DIAPH3: variants seen among roughly 807,000 people sequenced by gnomAD.
DIAPH3 encodes the protein protein diaphanous homolog 3.
A neutral mutation model predicts 144.3 loss-of-function variants in DIAPH3; 117 were observed. That is an observed-to-expected ratio of 0.81 (90% CI 0.70 to 0.95). DIAPH3 has a LOEUF of 0.95. DIAPH3 is among the 40% of genes least tolerant of loss of function. The pLI, the probability that DIAPH3 is intolerant of heterozygous loss-of-function variation, is 0.00. For missense variants in DIAPH3, 1,421 were observed against 1,412.7 expected, an observed-to-expected ratio of 1.01 and a Z score of -0.09; for synonymous variants, 519 against 488.9, an observed-to-expected ratio of 1.06 and a Z score of -0.81.
chr13:59,674,743 A>T (rs2032549483), intron 27 of DIAPH3, among the ~76,000 whole-genome samples: 1 of 152,116 alleles, frequency 6.6e-6, no homozygotes, highest in African/African-American at 2.4e-5. Context: ...ACATTCTCAA[A>T]CCACACTTTC....
chr13:59,899,501 A>C (rs2046316478), intron 20 of DIAPH3, among the ~76,000 whole-genome samples: 1 of 152,202 alleles, frequency 6.6e-6, no homozygotes. Context: ...TGTGACTGGC[A>C]TGTTTAGGAA....
At chr13:59,697,250 G>A (rs1489287928) in intron 27 of DIAPH3, among the ~76,000 whole-genome samples, 3 of 151,626 alleles carry the variant, frequency 2.0e-5, no homozygotes, top group Non-Finnish European at 2.9e-5. Flanking sequence ...ACGAGATCAG[G>A]AGATCGAGAC....
At chr13:59,987,408 T>C (rs1345723886) in intron 12 of DIAPH3, among the ~76,000 whole-genome samples, 1 of 141,828 alleles carries the variant, frequency 7.1e-6, no homozygotes, top group Non-Finnish European at 1.5e-5. Context: ...CGCACCAGCA[T>C]GGCACATGTA....
At chr13:59,703,675 T>C (rs1481213581) in intron 27 of DIAPH3, among the ~76,000 whole-genome samples, 1 of 152,218 alleles carries the variant, frequency 6.6e-6, no homozygotes, top group East Asian at 1.9e-4. Context: ...TTCTGAAATA[T>C]ATTCATTTCA....
rs533876862 is a variant in DIAPH3 at position 60,016,539 on chromosome 13, C to T, written c.627-394G>A. 2.0e-5 allele frequency among the ~76,000 whole-genome samples: 3 copies of T among 152,284 alleles called. No homozygotes were observed. In the South Asian group the frequency reaches 6.2e-4, roughly 32 times the overall value. On this transcript the variant is annotated intron_variant, in intron 5 of 27. Coordinates refer to ENST00000400324, the MANE Select transcript of DIAPH3 (RefSeq NM_001042517.2). Reference sequence around the variant, plus strand: ...ACATTTACCAGCATACCACTAATTACAGCCCATTTGGGGCTATGCCAAAGA... The same window carrying T: ...ACATTTACCAGCATACCACTAATTATAGCCCATTTGGGGCTATGCCAAAGA...
intron 25 of DIAPH3, among the ~76,000 whole-genome samples, chr13:59,783,703 G>T (rs565771894): frequency 1.3e-5 from 2 of 152,052 alleles, no homozygotes; most frequent in Non-Finnish European, 2.9e-5. Flanking sequence ...CCCCCTAAAC[G>T]TTGAAAGGGC....
At chr13:59,979,347 C>A (rs1048141542) in intron 14 of DIAPH3, among the ~76,000 whole-genome samples, 3 of 151,574 alleles carry the variant, frequency 2.0e-5, no homozygotes, top group African/African-American at 7.3e-5. Context: ...AAGTCTACTA[C>A]TACTTTCCTA....
At chr13:60,080,551 G>A (rs1036446935) in intron 4 of DIAPH3, among the ~76,000 whole-genome samples, 1 of 151,854 alleles carries the variant, frequency 6.6e-6, no homozygotes, top group African/African-American at 2.4e-5. Flanking sequence ...GGTAGGTAAA[G>A]TTTGATTAGT....
At chr13:59,816,735 A>C (rs980607724) in intron 24 of DIAPH3, among the ~76,000 whole-genome samples, 8 of 151,828 alleles carry the variant, frequency 5.3e-5, no homozygotes, top group Non-Finnish European at 8.8e-5. Context: ...TAATACATGT[A>C]CATATTTTGG....
chr13:60,083,250 C>T (rs2057624815), intron 4 of DIAPH3, among the ~76,000 whole-genome samples: 1 of 151,864 alleles, frequency 6.6e-6, no homozygotes, highest in Admixed American at 6.6e-5. Context: ...TGATCATCTT[C>T]AGAGAATGAT....
intron 9 of DIAPH3, among the ~76,000 whole-genome samples, chr13:60,007,117 T>A (rs2052926877): frequency 6.6e-6 from 1 of 152,080 alleles, no homozygotes; most frequent in South Asian, 2.1e-4. Context: ...AGTGGCACGA[T>A]CTTGGCTCAC....
chr13:59,666,237 T>A lies in DIAPH3; in HGVS notation c.*347A>T, dbSNP rs1273541204. ...AAAAATAGTAAAGTAAAAATTCCAG[T>A]GGCTTAGAAAGATGGTATTTTCTTA... On this transcript the variant is annotated 3_prime_UTR_variant, in exon 28 of 28. Coordinates refer to ENST00000400324, the MANE Select transcript of DIAPH3 (RefSeq NM_001042517.2). The A allele has an allele frequency of 1.0e-5, 2 of 194,150 alleles. No individual in the cohort carries two copies. Among genetic ancestry groups the A allele is most frequent in the South Asian group, 2.6e-4 (2 of 7,718 alleles). 12.0% of individuals were successfully genotyped at this position (194,150 alleles called of 1,614,324 possible).
chr13:59,782,501 C>T (rs989094835), intron 25 of DIAPH3, among the ~76,000 whole-genome samples: 1 of 151,974 alleles, frequency 6.6e-6, no homozygotes, highest in Non-Finnish European at 1.5e-5. Context: ...TTTTATCATG[C>T]TATGAGCCTA....
rs182283512 is a variant in DIAPH3 at position 59,909,177 on chromosome 13, A to G, written c.2367+2558T>C. Among the ~76,000 whole-genome samples the G allele has an allele frequency of 3.0e-3, 453 of 152,316 alleles. 1 individual carries two copies. The highest frequency in any genetic ancestry group is 4.6e-3 in the Admixed American group (70 of 15,304). ...AAGTCTTACAGAAATACACTTGGCA[A>G]TTATAACCAATTTCTTAAAATCATC... On this transcript the variant is annotated intron_variant, in intron 20 of 27. Transcript: ENST00000400324.
At chr13:59,788,400 G>A (rs1486822780) in intron 25 of DIAPH3, among the ~76,000 whole-genome samples, 2 of 152,062 alleles carry the variant, frequency 1.3e-5, no homozygotes, top group Non-Finnish European at 2.9e-5. Flanking sequence ...TGGGTGAATC[G>A]CTTGAGGCCA....
intron 27 of DIAPH3, among the ~76,000 whole-genome samples, chr13:59,724,180 C>T (rs1254123247): frequency 6.6e-6 from 1 of 151,688 alleles, no homozygotes; most frequent in East Asian, 1.9e-4. Context: ...ATATGTATAC[C>T]CTACACAACA....
At chr13:59,950,594 T>TG (rs1383491790) in intron 17 of DIAPH3, among the ~76,000 whole-genome samples, 1 of 152,112 alleles carries the variant, frequency 6.6e-6, no homozygotes, top group Non-Finnish European at 1.5e-5. Context: ...TATGCCAATC[T>TG]GAGAAGTCAT....
intron 5 of DIAPH3, among the ~76,000 whole-genome samples, chr13:60,025,086 G>A (rs1157545106): frequency 6.6e-6 from 1 of 152,102 alleles, no homozygotes; most frequent in Non-Finnish European, 1.5e-5. Context: ...TTGATAGTGT[G>A]GTGGGGGATG....
At chr13:59,820,338 T>C (rs986377505) in intron 24 of DIAPH3, among the ~76,000 whole-genome samples, 1 of 151,982 alleles carries the variant, frequency 6.6e-6, no homozygotes, top group Non-Finnish European at 1.5e-5. Context: ...AAATTAAATA[T>C]GGAAGGCAAG....
Sources: gnomAD v4.1 joint callset for allele counts (sites outside exome capture counted in the v4.1 genomes callset) on GRCh38, gnomAD v4.1.1 for gene constraint, MANE v1.5 for transcripts, NCBI Gene and HGNC (gene_info 2026-07-23, HGNC 2026-07-21) for gene names.